Variants in MUSK observed in about 807,000 individuals in gnomAD.
MUSK encodes the protein muscle associated receptor tyrosine kinase.
MUSK carries 55 observed loss-of-function variants against 88.7 expected under a neutral mutation model. The observed-to-expected ratio is 0.62, with a 90% CI of 0.50 to 0.78. MUSK has a LOEUF of 0.78. MUSK is among the 30% of genes least tolerant of loss of function. The pLI is 0.00. For missense variants in MUSK, 1,015 were observed against 1,074.3 expected, an observed-to-expected ratio of 0.94 and a Z score of 0.77; for synonymous variants, 387 against 391.9, an observed-to-expected ratio of 0.99 and a Z score of 0.15.
At chr9:110,788,542 G>T (rs1278814489) in intron 14 of MUSK, among the ~76,000 whole-genome samples, 1 of 151,740 alleles carries the variant, frequency 6.6e-6, no homozygotes, top group Non-Finnish European at 1.5e-5. Flanking sequence ...TGAGGCATGA[G>T]AATCGCTTAC....
chr9:110,755,007 C>A (rs1009964206), intron 7 of MUSK, among the ~76,000 whole-genome samples: 6 of 152,170 alleles, frequency 3.9e-5, no homozygotes, highest in African/African-American at 1.2e-4. Flanking sequence ...TATAACCCAG[C>A]CTGCCTATCT....
intron 5 of MUSK, among the ~76,000 whole-genome samples, chr9:110,720,523 C>A (rs1042268328): frequency 1.3e-5 from 2 of 151,966 alleles, no homozygotes; most frequent in Non-Finnish European, 2.9e-5. Flanking sequence ...AAGTATACAA[C>A]CCTCCTAGAT....
intron 3 of MUSK, among the ~76,000 whole-genome samples, chr9:110,692,448 A>G (rs955773586): frequency 6.6e-5 from 10 of 151,944 alleles, no homozygotes; most frequent in Admixed American, 6.6e-4. Flanking sequence ...TATCGAGATT[A>G]TAGGAGTGAG....
In MUSK at chr9:110,801,973, G is replaced by A. The variant is rs1185481108; in HGVS notation, c.*985G>A. The stretch of plus-strand genomic sequence containing the variant: ...TATTTTTCCTGCATTTGCCTTTGAA[G>A]CCACACATTTCAACATTCTCACCTA... On this transcript the variant is annotated 3_prime_UTR_variant, in exon 15 of 15. Coordinates refer to ENST00000374448, the MANE Select transcript of MUSK (RefSeq NM_005592.4). Among the ~76,000 whole-genome samples the A allele has an allele frequency of 2.6e-5, 4 of 152,016 alleles. No homozygotes were observed. Among genetic ancestry groups the A allele is most frequent in the Non-Finnish European group, 5.9e-5 (4 of 67,998 alleles).
chr9:110,788,533 G>A (rs2132036931), intron 14 of MUSK, among the ~76,000 whole-genome samples: 1 of 152,016 alleles, frequency 6.6e-6, no homozygotes, highest in South Asian at 2.1e-4. Flanking sequence ...TCGGGAGGCT[G>A]AGGCATGAGA....
At chr9:110,769,188 A>G (rs2077529771) in intron 9 of MUSK, among the ~76,000 whole-genome samples, 2 of 152,304 alleles carry the variant, frequency 1.3e-5, no homozygotes, top group East Asian at 3.9e-4. Flanking sequence ...AACAACCAAC[A>G]CAGCACATTT....
At chr9:110,676,709 T>C (rs2076035192) in intron 1 of MUSK, among the ~76,000 whole-genome samples, 1 of 152,138 alleles carries the variant, frequency 6.6e-6, no homozygotes, top group South Asian at 2.1e-4. Context: ...TCTATCCATG[T>C]CCCTGCAAAG....
intron 7 of MUSK, among the ~76,000 whole-genome samples, chr9:110,755,281 T>C (rs1487722323): frequency 1.3e-5 from 2 of 152,158 alleles, no homozygotes; most frequent in East Asian, 3.9e-4. Flanking sequence ...AGGGGAGGGA[T>C]AAAATTTTAG....
At chr9:110,706,055 A>C (rs769201217) in intron 5 of MUSK, 3 of 516,718 alleles carry the variant, frequency 5.8e-6, no homozygotes, top group Non-Finnish European at 1.2e-5. Context: ...AATATCTCTG[A>C]AATTGAGATT....
chr9:110,691,579 A>C (rs1329792928), intron 3 of MUSK, among the ~76,000 whole-genome samples: 1 of 152,032 alleles, frequency 6.6e-6, no homozygotes, highest in African/African-American at 2.4e-5. Flanking sequence ...AGCATCTTTA[A>C]ATCTCATGGC....
At chr9:110,774,132 T>C (rs1007270369) in intron 9 of MUSK, among the ~76,000 whole-genome samples, 1 of 152,218 alleles carries the variant, frequency 6.6e-6, no homozygotes, top group Non-Finnish European at 1.5e-5. Context: ...CTCCACCTTA[T>C]CAGTTATTTC....
chr9:110,724,849 A>G (rs2076862784), intron 5 of MUSK, among the ~76,000 whole-genome samples: 1 of 152,000 alleles, frequency 6.6e-6, no homozygotes, highest in Non-Finnish European at 1.5e-5. Flanking sequence ...ATATCATCAT[A>G]TAAATTCTAT....
intron 6 of MUSK, among the ~76,000 whole-genome samples, chr9:110,735,269 G>T (rs1388403149): frequency 2.0e-5 from 3 of 152,082 alleles, no homozygotes; most frequent in African/African-American, 7.2e-5. Flanking sequence ...CATGTTTATT[G>T]CGGCACTATT....
At chr9:110,749,439 G>C (rs956129118) in intron 7 of MUSK, among the ~76,000 whole-genome samples, 12 of 152,184 alleles carry the variant, frequency 7.9e-5, no homozygotes, top group African/African-American at 2.9e-4. Context: ...CAAATCAGTG[G>C]TCAAGGCTAG....
intron 5 of MUSK, among the ~76,000 whole-genome samples, chr9:110,709,129 A>C (rs189288550): frequency 6.6e-6 from 1 of 152,334 alleles, no homozygotes; most frequent in Admixed American, 6.5e-5. Context: ...TCAAAATGTG[A>C]CTATTTTGAT....
At chr9:110,755,576 T>G (rs942669839) in intron 7 of MUSK, among the ~76,000 whole-genome samples, 3 of 152,102 alleles carry the variant, frequency 2.0e-5, no homozygotes, top group African/African-American at 7.2e-5. Context: ...TTCCAGGTAA[T>G]GTTTAGAGAT....
intron 5 of MUSK, among the ~76,000 whole-genome samples, chr9:110,722,440 G>A (rs538084307): frequency 6.6e-6 from 1 of 151,920 alleles, no homozygotes; most frequent in Non-Finnish European, 1.5e-5. Flanking sequence ...TGAGGCAGAG[G>A]AATCACTTGA....
At chr9:110,761,486 C>A (rs1588004199) in intron 7 of MUSK, among the ~76,000 whole-genome samples, 1 of 146,538 alleles carries the variant, frequency 6.8e-6, no homozygotes, top group African/African-American at 2.5e-5. Flanking sequence ...TCTGCATGTT[C>A]TTTTCTTTTC....
In MUSK at chr9:110,802,381, A is replaced by G. The variant is rs1360420125; in HGVS notation, c.*1393A>G. On this transcript the variant is annotated 3_prime_UTR_variant, in exon 15 of 15. Transcript: ENST00000374448. ...AAATTCTCCTGAAAACGAACAGGGA[A>G]GAGAAAATAACAGTCTACTCTATAC... Among the ~76,000 whole-genome samples, 86 of 152,320 alleles carry G rather than the reference A, an allele frequency of 5.6e-4. 1 individual carries two copies. The highest frequency in any genetic ancestry group is 1.0e-4 in the Non-Finnish European group (7 of 68,032).
Sources: gnomAD v4.1 joint callset for allele counts (sites outside exome capture counted in the v4.1 genomes callset) on GRCh38, gnomAD v4.1.1 for gene constraint, MANE v1.5 for transcripts, NCBI Gene and HGNC (gene_info 2026-07-23, HGNC 2026-07-21) for gene names.